ABTB2: variants seen among roughly 807,000 people sequenced by gnomAD.
ABTB2 encodes ankyrin repeat and BTB/POZ domain-containing protein 2.
In ABTB2, 56 loss-of-function variants were observed where a neutral mutation model predicts 104.1. The ratio of observed to expected loss-of-function variants is 0.54; its 90% confidence interval spans 0.43 to 0.67. The LOEUF (loss-of-function observed/expected upper bound fraction) is 0.67. Ranked by LOEUF, ABTB2 falls within the 30% of genes least tolerant of loss-of-function variation. The pLI is 0.00. For missense variants in ABTB2, 1,279 were observed against 1,407.7 expected, an observed-to-expected ratio of 0.91 and a Z score of 1.46; for synonymous variants, 606 against 608.2, an observed-to-expected ratio of 1.00 and a Z score of 0.05.
At chr11:34,338,934 C>T (rs1855228428) in intron 1 of ABTB2, among the ~76,000 whole-genome samples, 1 of 152,146 alleles carries the variant, frequency 6.6e-6, no homozygotes, top group South Asian at 2.1e-4. Context: ...CCCTAAAGCC[C>T]CTTCCATCGT....
intron 1 of ABTB2, among the ~76,000 whole-genome samples, chr11:34,303,818 T>C (rs1854740180): frequency 6.6e-6 from 1 of 151,990 alleles, no homozygotes; most frequent in Non-Finnish European, 1.5e-5. Flanking sequence ...AATTTTTGTA[T>C]TTTTAGTAGA....
chr11:34,230,424 C>G lies in ABTB2; in HGVS notation c.884-25734G>C, dbSNP rs555808576. Among the ~76,000 whole-genome samples the G allele has an allele frequency of 1.1e-4, 17 of 152,250 alleles. No individual in the cohort carries two copies. In the South Asian group the frequency reaches 2.7e-3, roughly 24 times the overall value. On this transcript the variant is annotated intron_variant, in intron 1 of 16. Coordinates refer to ENST00000435224, the MANE Select transcript of ABTB2 (RefSeq NM_145804.3). Reference sequence around the variant, plus strand: ...CCTTTCTGCAGTAAGACGGGGCCAACAATACCTAAAATAACTTTCGGGGAG... The same window carrying G: ...CCTTTCTGCAGTAAGACGGGGCCAAGAATACCTAAAATAACTTTCGGGGAG...
chr11:34,161,371 C>G (rs1355267459), intron 10 of ABTB2, among the ~76,000 whole-genome samples: 2 of 152,348 alleles, frequency 1.3e-5, no homozygotes, highest in East Asian at 3.9e-4. Context: ...GCAGGGAACT[C>G]AAGCTCTGAA....
At position 34,170,891 on chromosome 11, in the gene ABTB2, G is replaced by C. The variant is rs779734646; in HGVS notation, c.1563+15C>G. The C allele has an allele frequency of 9.3e-6, 15 of 1,608,012 alleles. No homozygotes were observed. The highest frequency in any genetic ancestry group is 1.3e-5 in the Non-Finnish European group (15 of 1,176,600). ...TGGTCCTCGTGCCTGTCTTTGTGGA[G>C]CTCTCAGGACGTACCTGGTCATCCA... On this transcript the variant is annotated intron_variant, in intron 5 of 16. Coordinates refer to ENST00000435224, the MANE Select transcript of ABTB2 (RefSeq NM_145804.3).
At chr11:34,236,088 A>G (rs577710316) in intron 1 of ABTB2, among the ~76,000 whole-genome samples, 70 of 152,272 alleles carry the variant, frequency 4.6e-4, no homozygotes, top group African/African-American at 1.5e-3. Flanking sequence ...TGCAAGGAAG[A>G]GAAGGGTAAA....
At chr11:34,220,019 C>T (rs931812980) in intron 1 of ABTB2, among the ~76,000 whole-genome samples, 1 of 152,244 alleles carries the variant, frequency 6.6e-6, no homozygotes. Context: ...GAAGCAAACA[C>T]TCCCTGGTTA....
chr11:34,271,593 G>A (rs1249483729), intron 1 of ABTB2, among the ~76,000 whole-genome samples: 2 of 152,138 alleles, frequency 1.3e-5, no homozygotes, highest in Non-Finnish European at 2.9e-5. Flanking sequence ...AATTAGCTGG[G>A]TATGGTGGCA....
intron 1 of ABTB2, among the ~76,000 whole-genome samples, chr11:34,345,905 A>G (rs188151218): frequency 6.6e-5 from 10 of 152,294 alleles, no homozygotes; most frequent in Admixed American, 6.5e-4. Flanking sequence ...GATTTCATCA[A>G]TTTTCAACTT....
intron 1 of ABTB2, among the ~76,000 whole-genome samples, chr11:34,236,117 T>C (rs1357023490): frequency 6.6e-6 from 1 of 151,882 alleles, no homozygotes; most frequent in East Asian, 1.9e-4. Flanking sequence ...GGGAAGTCCG[T>C]GGATATTCTT....
At chr11:34,157,907 T>C (rs1253971351) in intron 14 of ABTB2, among the ~76,000 whole-genome samples, 1 of 152,222 alleles carries the variant, frequency 6.6e-6, no homozygotes, top group Non-Finnish European at 1.5e-5. Context: ...GTTTTGCACA[T>C]CCTGGGTTTG....
intron 1 of ABTB2, among the ~76,000 whole-genome samples, chr11:34,315,979 A>G (rs1052583510): frequency 2.6e-5 from 4 of 152,252 alleles, no homozygotes; most frequent in African/African-American, 9.6e-5. Context: ...TGCTGATTAA[A>G]TGTTTGCAGT....
intron 1 of ABTB2, among the ~76,000 whole-genome samples, chr11:34,272,728 A>AAAAAAC (rs1565156120): frequency 6.0e-5 from 8 of 133,222 alleles, no homozygotes; most frequent in African/African-American, 1.9e-4. Context: ...AAAAAAAAAA[A>AAAAAAC]AAACCAACCA....
intron 1 of ABTB2, among the ~76,000 whole-genome samples, chr11:34,310,543 C>T (rs11032609): frequency 0.04 from 6,153 of 152,178 alleles, 179 homozygotes; most frequent in African/African-American, 0.089. Flanking sequence ...AGAGCAAGCC[C>T]TCCTTTCAGA....
intron 2 of ABTB2, among the ~76,000 whole-genome samples, chr11:34,198,705 G>A (rs868002132): frequency 6.6e-6 from 1 of 152,190 alleles, no homozygotes; most frequent in African/African-American, 2.4e-5. Flanking sequence ...ATCCTGTGAT[G>A]TGTTTCTACT....
chr11:34,223,414 T>C (rs773318151), intron 1 of ABTB2, among the ~76,000 whole-genome samples: 2 of 152,224 alleles, frequency 1.3e-5, no homozygotes, highest in Non-Finnish European at 2.9e-5. Flanking sequence ...TTCTTAGTTC[T>C]TGATTTGGAG....
In ABTB2 at chr11:34,317,084, A is replaced by G. The variant is rs1329512405; in HGVS notation, c.883+39617T>C. Among the ~76,000 whole-genome samples, 6 of 152,370 alleles carry G rather than the reference A, an allele frequency of 3.9e-5. No individual in the cohort carries two copies. The East Asian group carries it at 1.2e-3, about 29-fold the overall frequency. On this transcript the variant is annotated intron_variant, in intron 1 of 16. Transcript: ENST00000435224. Reference sequence around the variant, plus strand: ...AACTGACTACAAAACCAACAGAACTAGAACAATTCCAACCAGAGACACATG... The same window carrying G: ...AACTGACTACAAAACCAACAGAACTGGAACAATTCCAACCAGAGACACATG...
chr11:34,296,033 A>G (rs372148715), intron 1 of ABTB2, among the ~76,000 whole-genome samples: 1 of 152,268 alleles, frequency 6.6e-6, no homozygotes, highest in Non-Finnish European at 1.5e-5. Flanking sequence ...TTAGGAGGCT[A>G]AGGCGGGAGT....
intron 1 of ABTB2, among the ~76,000 whole-genome samples, chr11:34,352,781 C>A (rs776111713): frequency 2.6e-5 from 4 of 152,204 alleles, no homozygotes; most frequent in Non-Finnish European, 1.5e-5. Flanking sequence ...TATGGCCAGG[C>A]ATGATGGGTC....
intron 1 of ABTB2, among the ~76,000 whole-genome samples, chr11:34,285,472 C>T (rs545626639): frequency 1.1e-3 from 171 of 152,170 alleles, no homozygotes; most frequent in African/African-American, 4.0e-3. Flanking sequence ...TCTTGCAGGC[C>T]TTCTTAACCA....
Sources: gnomAD v4.1 joint callset for allele counts (sites outside exome capture counted in the v4.1 genomes callset) on GRCh38, gnomAD v4.1.1 for gene constraint, MANE v1.5 for transcripts, NCBI Gene and HGNC (gene_info 2026-07-23, HGNC 2026-07-21) for gene names.